P2RY14: variants seen among roughly 807,000 people sequenced by gnomAD.
The protein encoded by P2RY14 is P2Y purinoceptor 14.
In P2RY14, 2 loss-of-function variants were observed where a neutral mutation model predicts 0.9. The ratio of observed to expected loss-of-function variants is 2.16; its 90% CI spans 0.88 to 6.79. The LOEUF (loss-of-function observed/expected upper bound fraction) is 6.79. Among genes scored for constraint, P2RY14 ranks in the 30% most tolerant of loss-of-function variants. The pLI, the probability that P2RY14 is intolerant of heterozygous loss-of-function variation, is 0.05. For synonymous variants in P2RY14, 158 were observed against 147.2 expected (o/e 1.07, Z -0.53); for missense variants, 378 against 400.1 (o/e 0.94, Z 0.47).
At chr3:151,247,638 C>T (rs1228454976) in intron 1 of P2RY14, among the ~76,000 whole-genome samples, 1 of 141,470 alleles carries the variant, frequency 7.1e-6, no homozygotes, top group African/African-American at 2.6e-5. Context: ...GGAGGGATAG[C>T]ATTGGGAGAT....
At chr3:151,268,963 G>A (rs1740344673) in intron 1 of P2RY14, among the ~76,000 whole-genome samples, 1 of 152,178 alleles carries the variant, frequency 6.6e-6, no homozygotes, top group Non-Finnish European at 1.5e-5. Flanking sequence ...AAGAAGAATT[G>A]TGGTCTGGTT....
intron 1 of P2RY14, among the ~76,000 whole-genome samples, chr3:151,260,593 C>T (rs147954587): frequency 2.6e-5 from 4 of 152,176 alleles, no homozygotes; most frequent in South Asian, 4.2e-4. Flanking sequence ...TCAAGTGATC[C>T]TCCTGCCACA....
chr3:151,270,196 C>CGTATGT (rs1553764759), intron 1 of P2RY14: 1 of 129,646 alleles, frequency 7.7e-6, no homozygotes, highest in Admixed American at 8.7e-5. Context: ...AGCAAGCTGT[C>CGTATGT]GTGTGTGTGT....
chr3:151,266,686 C>T (rs1426168626), intron 1 of P2RY14, among the ~76,000 whole-genome samples: 1 of 152,134 alleles, frequency 6.6e-6, no homozygotes, highest in African/African-American at 2.4e-5. Context: ...TGGAAAGGAA[C>T]TCCAGCCATG....
intron 1 of P2RY14, chr3:151,269,776 G>T: frequency 2.4e-6 from 1 of 419,830 alleles, no homozygotes; most frequent in South Asian, 1.8e-5. Context: ...TCTATTTTTA[G>T]AGTCCACTGA....
Position 151,221,012 on chromosome 3 carries a change from C to T in P2RY14, c.-132-1370G>A, listed in dbSNP as rs61621398. On this transcript the variant is annotated intron_variant, in intron 1 of 2. Transcript: ENST00000309170. ...CCCAAAATGCTGATAGTGATATGGA[C>T]GATAAAGTCCAGGGTGAGGTGGTCT... is the stretch of plus-strand genomic sequence containing the variant. Among the ~76,000 whole-genome samples the T allele has an allele frequency of 4.1e-3, 630 of 152,178 alleles. 3 individuals carry two copies. Among genetic ancestry groups the T allele is most frequent in the African/African-American group, 0.015 (604 of 41,502 alleles).
At chr3:151,220,973 G>T (rs1269542841) in intron 1 of P2RY14, among the ~76,000 whole-genome samples, 1 of 152,194 alleles carries the variant, frequency 6.6e-6, no homozygotes, top group East Asian at 1.9e-4. Flanking sequence ...CTAGAGACTT[G>T]TTGAATGCCT....
intron 1 of P2RY14, among the ~76,000 whole-genome samples, chr3:151,275,657 T>C (rs1175585065): frequency 1.3e-5 from 2 of 152,146 alleles, no homozygotes; most frequent in African/African-American, 4.8e-5. Flanking sequence ...AATTACTAGA[T>C]TTATCCTTTT....
chr3:151,226,147 A>G (rs954010483), intron 1 of P2RY14, among the ~76,000 whole-genome samples: 21 of 152,226 alleles, frequency 1.4e-4, no homozygotes, highest in African/African-American at 4.1e-4. Flanking sequence ...AAGCACAGGA[A>G]CACAGTGAGC....
intron 1 of P2RY14, among the ~76,000 whole-genome samples, chr3:151,251,336 A>C (rs1284598125): frequency 1.3e-5 from 2 of 150,862 alleles, no homozygotes; most frequent in Admixed American, 1.3e-4. Context: ...ACAATTAAAC[A>C]CTCTGTCTCA....
intron 1 of P2RY14, among the ~76,000 whole-genome samples, chr3:151,242,662 G>A (rs958640722): frequency 1.3e-5 from 2 of 152,266 alleles, no homozygotes; most frequent in South Asian, 4.2e-4. Flanking sequence ...CCACAAAGAT[G>A]GGGAAAAAAC....
intron 1 of P2RY14, among the ~76,000 whole-genome samples, chr3:151,246,453 C>G (rs1475625339): frequency 6.6e-6 from 1 of 151,942 alleles, no homozygotes; most frequent in South Asian, 2.1e-4. Context: ...ACAGAGCCCT[C>G]AGAAATAACG....
intron 1 of P2RY14, 73 bp from the exon 2 acceptor site, chr3:151,219,715 C>T (rs1259316141): frequency 6.6e-6 from 1 of 152,118 alleles, no homozygotes; most frequent in Non-Finnish European, 1.5e-5. Context: ...TATGTCTGTA[C>T]TTACTTCTTA....
chr3:151,277,537 C>G (rs572374515), intron 1 of P2RY14, among the ~76,000 whole-genome samples: 25 of 152,026 alleles, frequency 1.6e-4, no homozygotes, highest in Admixed American at 1.4e-3. Context: ...ATTGATTGTC[C>G]TTGGTTAACA....
chr3:151,230,815 G>T (rs1731520104), intron 1 of P2RY14, among the ~76,000 whole-genome samples: 1 of 152,084 alleles, frequency 6.6e-6, no homozygotes, highest in South Asian at 2.1e-4. Context: ...AAACCCCCCT[G>T]CCAATGCAGA....
intron 1 of P2RY14, among the ~76,000 whole-genome samples, chr3:151,242,303 G>T (rs1054256757): frequency 6.6e-6 from 1 of 152,242 alleles, no homozygotes; most frequent in Non-Finnish European, 1.5e-5. Flanking sequence ...GCCTCTCTAG[G>T]CTCCACCTCT....
At chr3:151,245,043 C>A (rs1021793286) in intron 1 of P2RY14, among the ~76,000 whole-genome samples, 1 of 152,174 alleles carries the variant, frequency 6.6e-6, no homozygotes, top group African/African-American at 2.4e-5. Flanking sequence ...TTCCTTGACA[C>A]ATACACTCTC....
At chr3:151,269,152 A>G (rs535478333) in intron 1 of P2RY14, among the ~76,000 whole-genome samples, 2 of 152,230 alleles carry the variant, frequency 1.3e-5, no homozygotes, top group African/African-American at 4.8e-5. Flanking sequence ...GCTTATGCCT[A>G]TACTCTGGGA....
chr3:151,253,812 T>TGAAA (rs1737287259), intron 1 of P2RY14, among the ~76,000 whole-genome samples: 2 of 152,138 alleles, frequency 1.3e-5, no homozygotes, highest in African/African-American at 4.8e-5. Context: ...CTTGAAACAT[T>TGAAA]GTCCTTTTGC....
Sources: gnomAD v4.1 joint callset for allele counts (sites outside exome capture counted in the v4.1 genomes callset) on GRCh38, gnomAD v4.1.1 for gene constraint, MANE v1.5 for transcripts, NCBI Gene and HGNC (gene_info 2026-07-23, HGNC 2026-07-21) for gene names.